The following BCAS3 variants were observed in gnomAD, a reference collection of about 807,000 sequenced individuals.
BCAS3 encodes BCAS3 microtubule associated cell migration factor, also known as BCAS4/BCAS3 fusion.
Under a neutral mutation model 116.1 loss-of-function variants are expected in BCAS3, and 53 were observed. The ratio of observed to expected loss-of-function variants is 0.46; its 90% CI spans 0.37 to 0.57. BCAS3 has a LOEUF of 0.57. Ranked by LOEUF, BCAS3 falls within the 20% of genes least tolerant of loss-of-function variation. The pLI is 0.00. For missense variants in BCAS3, 917 were observed against 1,165.4 expected (o/e 0.79, Z 3.10); for synonymous variants, 391 against 408.2 (o/e 0.96, Z 0.51).
rs1006772223 is a variant in BCAS3 at position 61,233,669 on chromosome 17, G to C, written c.2426-134658G>C. Reference sequence around the variant, plus strand: ...ATAAGTCACAATCTTCCTGTCTCATGTTTCTTTTACTTAAAAATGAAAGCA... The same window carrying C: ...ATAAGTCACAATCTTCCTGTCTCATCTTTCTTTTACTTAAAAATGAAAGCA... On this transcript the variant is annotated intron_variant, in intron 22 of 23. Transcript: ENST00000407086. This position sits in a 1 kb window ranked among gnomAD's most constrained non-coding sequence, Gnocchi z 4.3. Among the ~76,000 whole-genome samples, 1 of 152,152 alleles carries C rather than the reference G, an allele frequency of 6.6e-6. No homozygotes were observed. Among genetic ancestry groups the C allele is most frequent in the Non-Finnish European group, 1.5e-5 (1 of 68,030 alleles).
chr17:61,055,045 A>G (rs1385577863), intron 19 of BCAS3, among the ~76,000 whole-genome samples: 1 of 152,174 alleles, frequency 6.6e-6, no homozygotes, highest in Non-Finnish European at 1.5e-5. Context: ...GATATCCCTC[A>G]ATGTGTGGTT....
chr17:61,321,111 G>A (rs555241936), intron 22 of BCAS3, among the ~76,000 whole-genome samples: 1 of 152,052 alleles, frequency 6.6e-6, no homozygotes, highest in African/African-American at 2.4e-5. Flanking sequence ...TTAATCTAGG[G>A]TCTTTTGGCC....
At chr17:60,905,059 T>C (rs1027347943) in intron 11 of BCAS3, among the ~76,000 whole-genome samples, 2 of 152,134 alleles carry the variant, frequency 1.3e-5, no homozygotes, top group African/African-American at 4.8e-5. Context: ...TCAATGAACA[T>C]AGATGTGAAA....
At chr17:60,941,604 A>G (rs1033444331) in intron 13 of BCAS3, among the ~76,000 whole-genome samples, 6 of 152,172 alleles carry the variant, frequency 3.9e-5, no homozygotes, top group Non-Finnish European at 5.9e-5. Flanking sequence ...GGTGGATTGT[A>G]GAAGCCACAT....
chr17:60,731,780 A>ATT (rs538038279), intron 5 of BCAS3, among the ~76,000 whole-genome samples: 51 of 125,968 alleles, frequency 4.0e-4, no homozygotes, highest in African/African-American at 1.2e-3. Context: ...TCACCCTCCT[A>ATT]TTTTTTTTTT....
intron 22 of BCAS3, among the ~76,000 whole-genome samples, chr17:61,304,142 C>A (rs1291153462): frequency 6.6e-6 from 1 of 152,196 alleles, no homozygotes; most frequent in Non-Finnish European, 1.5e-5. Flanking sequence ...TGCTCTTTAT[C>A]CTTTTCATCC....
rs921277409 is a variant in BCAS3, at chr17:61,355,099, G to C, written c.2426-13228G>C. ...GGGCCTCCAGACACCTCCGCCAGCT[G>C]GGGAGGCAGAGAGTTCGCACTCTGA... On this transcript the variant is annotated intron_variant, in intron 22 of 23. Transcript: ENST00000407086. The surrounding 1 kb of genome is among the most constrained non-coding windows in gnomAD (Gnocchi z 4.2). 2.6e-5 allele frequency: 4 copies of C among 152,046 alleles called. No individual in the cohort carries two copies. The highest frequency in any genetic ancestry group is 9.7e-5 in the African/African-American group (4 of 41,396). The allele number at this position is 152,046 out of a possible 1,614,324, so 9.4% of individuals were successfully genotyped here.
At chr17:61,080,248 A>C (rs765603025) in intron 21 of BCAS3, among the ~76,000 whole-genome samples, 28 of 152,090 alleles carry the variant, frequency 1.8e-4, no homozygotes, top group Non-Finnish European at 7.4e-5. Context: ...TCAAGACAGA[A>C]TCTAGAGGTT....
intron 22 of BCAS3, among the ~76,000 whole-genome samples, chr17:61,289,277 A>G (rs572079147): frequency 7.1e-4 from 108 of 152,262 alleles, no homozygotes; most frequent in East Asian, 2.5e-3. Context: ...CTAGTCACTC[A>G]TGGAAAGGGG....
At chr17:60,711,960 G>A (rs575495104) in intron 5 of BCAS3, among the ~76,000 whole-genome samples, 3 of 151,998 alleles carry the variant, frequency 2.0e-5, no homozygotes, top group South Asian at 2.1e-4. Context: ...TCAGGAATTC[G>A]AGACCAGCCT....
chr17:60,702,764 A>AT (rs1175102356), intron 4 of BCAS3, among the ~76,000 whole-genome samples: 1 of 151,422 alleles, frequency 6.6e-6, no homozygotes, highest in Non-Finnish European at 1.5e-5. Flanking sequence ...TAATTTTTGT[A>AT]TTTTTTTGTA....
In BCAS3 at chr17:60,696,914, C is replaced by T. The variant is rs562498391; in HGVS notation, c.214+7153C>T. The stretch of plus-strand genomic sequence containing the variant: ...CAAAAATGACTTGAAAGGCTGGGCG[C>T]GGTGGCTCATGCCTGTAATCCCAGG... On this transcript the variant is annotated intron_variant, in intron 4 of 23. Coordinates refer to ENST00000407086, the MANE Select transcript of BCAS3 (RefSeq NM_017679.5). Among the ~76,000 whole-genome samples, 11 of 151,942 alleles carry T rather than the reference C, an allele frequency of 7.2e-5. No individual in the cohort carries two copies. The East Asian group carries it at 9.7e-4, about 13-fold the overall frequency.
chr17:61,206,917 T>G (rs976097302), intron 22 of BCAS3, among the ~76,000 whole-genome samples: 6 of 149,306 alleles, frequency 4.0e-5, no homozygotes, highest in African/African-American at 1.5e-4. Flanking sequence ...TGTTTTTTGG[T>G]TTTTGGTGTT....
In BCAS3 at chr17:61,391,642, G is replaced by A; in HGVS notation, c.2594-335G>A. The stretch of plus-strand genomic sequence containing the variant: ...AGTTGGGGGCATGCTGGCTGAGCAT[G>A]AGTGTGTGCAGGCGTGGGTACGGGC... On this transcript the variant is annotated intron_variant, in intron 23 of 23. Transcript: ENST00000407086. This position sits in a 1 kb window ranked among gnomAD's most constrained non-coding sequence, Gnocchi z 7.7. 1 of 230,590 alleles carries A rather than the reference G, an allele frequency of 4.3e-6. No individual in the cohort carries two copies. The highest frequency in any genetic ancestry group is 9.2e-5 in the South Asian group (1 of 10,834). The allele number at this position is 230,590 out of a possible 1,614,324, so 14.3% of individuals were successfully genotyped here. A position where few individuals can be genotyped will look rare whatever the true frequency, so the allele number is the denominator to read the frequency against.
chr17:61,104,177 G>C lies in BCAS3; in HGVS notation c.2425+19613G>C, dbSNP rs2074498220. On this transcript the variant is annotated intron_variant, in intron 22 of 23. Transcript: ENST00000407086. The surrounding 1 kb of genome is among the most constrained non-coding windows in gnomAD (Gnocchi z 4.1). ...TTTGTCTTTTCTGTAAAAATTCCAG[G>C]AGTTGGGTGGGCTTGATGTCCTCTC... 6.6e-6 allele frequency among the ~76,000 whole-genome samples: 1 copy of C among 152,078 alleles called. No homozygotes were observed. The highest frequency in any genetic ancestry group is 1.5e-5 in the Non-Finnish European group (1 of 68,018).
chr17:61,014,521 TA>T (rs546604058), intron 15 of BCAS3, among the ~76,000 whole-genome samples: 17 of 151,976 alleles, frequency 1.1e-4, no homozygotes, highest in Non-Finnish European at 8.8e-5. Flanking sequence ...ACTTCTATAT[TA>T]AAAAAATGAA....
chr17:60,768,293 A>G (rs906176146), intron 6 of BCAS3, among the ~76,000 whole-genome samples: 2 of 152,208 alleles, frequency 1.3e-5, no homozygotes, highest in Admixed American at 1.3e-4. Flanking sequence ...GGGTGTTGCC[A>G]AAGGAGATTA....
chr17:60,697,298 T>A (rs1048326766), intron 4 of BCAS3, among the ~76,000 whole-genome samples: 1 of 151,948 alleles, frequency 6.6e-6, no homozygotes, highest in African/African-American at 2.4e-5. Flanking sequence ...TGGTGGCTCA[T>A]GCCTGTAATC....
At chr17:60,969,341 G>C (rs1444423631) in intron 14 of BCAS3, among the ~76,000 whole-genome samples, 2 of 152,082 alleles carry the variant, frequency 1.3e-5, no homozygotes, top group African/African-American at 4.8e-5. Context: ...TTAAATAAAA[G>C]GGTAGGAAAT....
Sources: gnomAD v4.1 joint callset for allele counts (sites outside exome capture counted in the v4.1 genomes callset) on GRCh38, gnomAD v4.1.1 for gene constraint, Gnocchi (gnomAD v3.1) non-coding constraint, MANE v1.5 for transcripts, NCBI Gene and HGNC (gene_info 2026-07-23, HGNC 2026-07-21) for gene names.